DYRK1A: variants seen among roughly 807,000 people sequenced by gnomAD.
DYRK1A encodes dual specificity tyrosine-phosphorylation-regulated kinase 1A.
A neutral mutation model predicts 79.7 loss-of-function variants in DYRK1A; 9 were observed. The ratio of observed to expected loss-of-function variants is 0.11; its 90% CI spans 0.07 to 0.20. The LOEUF is 0.20. Among genes scored for constraint, DYRK1A ranks in the 10% least tolerant of loss-of-function variants. The probability of loss-of-function intolerance (pLI) is 1.00; values close to 1 mark genes in which losing one functional copy is unlikely to be tolerated. For missense variants in DYRK1A, 622 were observed against 956.0 expected, an observed-to-expected ratio of 0.65 and a Z score of 4.61; for synonymous variants, 349 against 329.7, an observed-to-expected ratio of 1.06 and a Z score of -0.63.
At chr21:37,389,403 C>G (rs962009131) in intron 1 of DYRK1A, among the ~76,000 whole-genome samples, 1 of 152,060 alleles carries the variant, frequency 6.6e-6, no homozygotes, top group African/African-American at 2.4e-5. Context: ...TGGGCTCAAG[C>G]AGTCTGCCCG....
intron 9 of DYRK1A, chr21:37,504,104 G>T (rs1270278550): frequency 2.0e-5 from 3 of 152,168 alleles, no homozygotes; most frequent in African/African-American, 7.2e-5. Flanking sequence ...CTGACTCTGG[G>T]CTTTGCTTGT....
intron 11 of DYRK1A, among the ~76,000 whole-genome samples, chr21:37,510,630 G>A (rs1271643201): frequency 1.3e-5 from 2 of 152,206 alleles, no homozygotes; most frequent in Non-Finnish European, 2.9e-5. Flanking sequence ...AGAGTACCAA[G>A]TTTCCTTCAT....
chr21:37,385,902 G>T (rs2049750446), intron 1 of DYRK1A, among the ~76,000 whole-genome samples: 1 of 152,146 alleles, frequency 6.6e-6, no homozygotes, highest in Admixed American at 6.5e-5. Context: ...TAAGCCTGGG[G>T]AAAATTACCT....
chr21:37,480,478 A>G (rs558781769), intron 4 of DYRK1A, among the ~76,000 whole-genome samples, 160 bp from the exon 5 acceptor site: 1 of 152,368 alleles, frequency 6.6e-6, no homozygotes, highest in Non-Finnish European at 1.5e-5. Flanking sequence ...GTATAACTAT[A>G]ATGAATTTCA....
chr21:37,459,277 CTT>C (rs996847743), intron 2 of DYRK1A, among the ~76,000 whole-genome samples: 6 of 152,174 alleles, frequency 3.9e-5, no homozygotes, highest in African/African-American at 1.2e-4. Flanking sequence ...GTTGGAATGA[CTT>C]GAGCCATTTT....
At chr21:37,389,523 T>G (rs1007010995) in intron 1 of DYRK1A, among the ~76,000 whole-genome samples, 2 of 152,174 alleles carry the variant, frequency 1.3e-5, no homozygotes, top group African/African-American at 4.8e-5. Context: ...AGGACTGGTT[T>G]TTTTTGTTTG....
At chr21:37,490,133 A>G (rs2053031278) in intron 6 of DYRK1A, 42 bp from the exon 7 acceptor site, 1 of 1,554,758 alleles carries the variant, frequency 6.4e-7, no homozygotes, top group African/African-American at 1.4e-5. Context: ...CTCTCAGTTT[A>G]TTGGTATATA....
chr21:37,378,941 G>A (rs577204539), intron 1 of DYRK1A, among the ~76,000 whole-genome samples: 7 of 152,228 alleles, frequency 4.6e-5, no homozygotes, highest in Admixed American at 3.3e-4. Flanking sequence ...GCTTTTTATG[G>A]TGGAACCTGA....
intron 2 of DYRK1A, among the ~76,000 whole-genome samples, chr21:37,441,801 C>T (rs528286582): frequency 1.1e-4 from 16 of 151,990 alleles, no homozygotes; most frequent in Non-Finnish European, 1.8e-4. Flanking sequence ...TTATCCATTT[C>T]GTTATCTTTT....
At chr21:37,465,992 C>A (rs1298850242) in intron 2 of DYRK1A, among the ~76,000 whole-genome samples, 1 of 152,236 alleles carries the variant, frequency 6.6e-6, no homozygotes, top group Non-Finnish European at 1.5e-5. Flanking sequence ...AGTGCTGATG[C>A]AGCCCCTCAG....
chr21:37,434,686 TA>T (rs1236613626), intron 2 of DYRK1A, among the ~76,000 whole-genome samples: 1 of 152,234 alleles, frequency 6.6e-6, no homozygotes, highest in Non-Finnish European at 1.5e-5. Context: ...GGTTAATACT[TA>T]ATTGGGTTTT....
chr21:37,518,615 C>CTTTTTT lies in DYRK1A; in HGVS notation c.*6098_*6103dup, dbSNP rs750239891. ...TATGACGGAAGTCTGAATCCAAGGA[C>CTTTTTT]TTTTTTTTTTTTTTTTTTTGGAGAC... On this transcript the variant is annotated 3_prime_UTR_variant, in exon 12 of 12. Transcript: ENST00000647188. 2 of 125,490 alleles carry CTTTTTT rather than the reference C, an allele frequency of 1.6e-5. No individual in the cohort carries two copies. Among genetic ancestry groups the CTTTTTT allele is most frequent in the African/African-American group, 6.1e-5 (2 of 32,946 alleles). 7.8% of individuals were successfully genotyped at this position (125,490 alleles called of 1,614,324 possible). A position where few individuals can be genotyped will look rare whatever the true frequency, so the allele number is the denominator to read the frequency against.
chr21:37,436,169 C>T (rs1333811564), intron 2 of DYRK1A, among the ~76,000 whole-genome samples: 1 of 152,090 alleles, frequency 6.6e-6, no homozygotes, highest in Non-Finnish European at 1.5e-5. Flanking sequence ...GATTGAGAGT[C>T]TGGGAAAGGG....
chr21:37,394,196 T>C (rs572341872), intron 1 of DYRK1A, among the ~76,000 whole-genome samples: 1 of 152,006 alleles, frequency 6.6e-6, no homozygotes, highest in East Asian at 1.9e-4. Flanking sequence ...CATTTTGTAA[T>C]GCAGTGGTGT....
At chr21:37,394,970 G>A (rs1442105801) in intron 1 of DYRK1A, among the ~76,000 whole-genome samples, 2 of 152,222 alleles carry the variant, frequency 1.3e-5, no homozygotes, top group African/African-American at 4.8e-5. Context: ...TTCACCTGTG[G>A]TTGTCCTTTG....
intron 1 of DYRK1A, among the ~76,000 whole-genome samples, chr21:37,403,661 ATATGTGTGTGTGTGTGTGTG>A (rs2050098102): frequency 2.6e-5 from 3 of 113,344 alleles, no homozygotes; most frequent in African/African-American, 9.8e-5. Flanking sequence ...ATATATATAT[ATATGTGTGTGTGTGTGTGTG>A]TGTGTGTGTG....
At chr21:37,482,901 C>T (rs1263999236) in intron 5 of DYRK1A, among the ~76,000 whole-genome samples, 2 of 152,222 alleles carry the variant, frequency 1.3e-5, no homozygotes, top group Non-Finnish European at 2.9e-5. Context: ...CTCTGTTCCG[C>T]CCGGGTCAGT....
At chr21:37,384,851 T>C (rs572332521) in intron 1 of DYRK1A, among the ~76,000 whole-genome samples, 55 of 152,174 alleles carry the variant, frequency 3.6e-4, no homozygotes, top group African/African-American at 1.3e-3. Flanking sequence ...ATATGAAAAA[T>C]ATACTGGGTT....
In DYRK1A at chr21:37,457,013, TTTACTTACTTACTTAC is replaced by T. The variant is rs149046084; in HGVS notation, c.11-15659_11-15644del. ...ATTTGCTTGAGAGGTAAAAAGAAAA[TTTACTTACTTACTTAC>T]TTACTTACTTATTTATTTATTTATT... is the stretch of plus-strand genomic sequence containing the variant. On this transcript the variant is annotated intron_variant, in intron 2 of 11. Coordinates refer to ENST00000647188, the MANE Select transcript of DYRK1A (RefSeq NM_001347721.2). Among the ~76,000 whole-genome samples the T allele has an allele frequency of 7.9e-3, 1,115 of 141,254 alleles. 18 individuals are homozygous for T. Among genetic ancestry groups the T allele is most frequent in the African/African-American group, 0.028 (1,035 of 36,566 alleles). The allele number at this position is 141,254 out of a possible 152,430, so 92.7% of individuals were successfully genotyped here.
Sources: gnomAD v4.1 joint callset for allele counts (sites outside exome capture counted in the v4.1 genomes callset) on GRCh38, gnomAD v4.1.1 for gene constraint, MANE v1.5 for transcripts, NCBI Gene and HGNC (gene_info 2026-07-23, HGNC 2026-07-21) for gene names.